The following PLCB1 variants were observed in gnomAD, a reference collection of about 807,000 sequenced individuals.
The protein encoded by PLCB1 is 1-phosphatidylinositol 4,5-bisphosphate phosphodiesterase beta-1.
In PLCB1, 46 loss-of-function variants were observed where a neutral mutation model predicts 161.8. The ratio of observed to expected loss-of-function variants is 0.28; its 90% CI spans 0.22 to 0.36. PLCB1 has a LOEUF of 0.36. Ranked by LOEUF, PLCB1 falls within the 10% of genes least tolerant of loss-of-function variation. PLCB1 has a pLI of 1.00. For missense variants in PLCB1, 1,016 were observed against 1,472.5 expected (o/e 0.69, Z 5.07); for synonymous variants, 517 against 503.7 (o/e 1.03, Z -0.35).
intron 31 of PLCB1, among the ~76,000 whole-genome samples, chr20:8,848,253 G>A (rs1986759539): frequency 1.3e-5 from 2 of 152,108 alleles, no homozygotes; most frequent in Admixed American, 6.5e-5. Flanking sequence ...ATGATCCTAC[G>A]GAGTTAGGGT....
intron 2 of PLCB1, among the ~76,000 whole-genome samples, chr20:8,276,563 C>CT (rs1456995319): frequency 1.3e-5 from 2 of 152,038 alleles, no homozygotes; most frequent in African/African-American, 4.8e-5. Flanking sequence ...TTTGAGTGTT[C>CT]TTTTTTTACA....
At chr20:8,333,550 G>A (rs143028447) in intron 2 of PLCB1, among the ~76,000 whole-genome samples, 2 of 152,102 alleles carry the variant, frequency 1.3e-5, no homozygotes, top group African/African-American at 4.8e-5. Flanking sequence ...GACATTTTTG[G>A]TGGTCACAAC....
At chr20:8,538,474 C>T (rs545376695) in intron 3 of PLCB1, among the ~76,000 whole-genome samples, 2 of 152,046 alleles carry the variant, frequency 1.3e-5, no homozygotes, top group South Asian at 4.2e-4. Context: ...AAAAGCTTTT[C>T]TAGTAGCTAG....
chr20:8,392,762 T>C (rs562146465), intron 3 of PLCB1, among the ~76,000 whole-genome samples: 2 of 152,282 alleles, frequency 1.3e-5, no homozygotes, highest in South Asian at 4.1e-4. Context: ...TTTGTCTTCT[T>C]TGAATGGGAA....
intron 31 of PLCB1, among the ~76,000 whole-genome samples, chr20:8,815,791 G>T (rs1568610458): frequency 6.6e-6 from 1 of 152,118 alleles, no homozygotes; most frequent in Non-Finnish European, 1.5e-5. Context: ...ACATAGAGAA[G>T]AATTTAGTTA....
At chr20:8,593,919 C>G (rs927345749) in intron 3 of PLCB1, among the ~76,000 whole-genome samples, 1 of 152,104 alleles carries the variant, frequency 6.6e-6, no homozygotes, top group Non-Finnish European at 1.5e-5. Context: ...GAATCTTGCT[C>G]TGTTACCCAG....
At chr20:8,422,401 C>G (rs1246314441) in intron 3 of PLCB1, among the ~76,000 whole-genome samples, 1 of 152,194 alleles carries the variant, frequency 6.6e-6, no homozygotes, top group Non-Finnish European at 1.5e-5. Flanking sequence ...GCAGAAATAT[C>G]TCTATCAGAA....
At chr20:8,196,147 G>C (rs2052021806) in intron 2 of PLCB1, among the ~76,000 whole-genome samples, 1 of 152,116 alleles carries the variant, frequency 6.6e-6, no homozygotes, top group Admixed American at 6.6e-5. Context: ...CTTGACACAT[G>C]GGGATTATGA....
At chr20:8,868,570 G>A (rs547666012) in intron 31 of PLCB1, among the ~76,000 whole-genome samples, 1 of 152,306 alleles carries the variant, frequency 6.6e-6, no homozygotes, top group East Asian at 1.9e-4. Flanking sequence ...TTTACATAGT[G>A]AACAGTTGGC....
chr20:8,167,994 T>C lies in PLCB1; in HGVS notation c.177+17623T>C, dbSNP rs780007214. Reference sequence around the variant, plus strand: ...CTCCTGTCTGAGGCTTCAGCTAGGATGGCTAGGCTGACTTGTATCTGTCCC... The same window carrying C: ...CTCCTGTCTGAGGCTTCAGCTAGGACGGCTAGGCTGACTTGTATCTGTCCC... On this transcript the variant is annotated intron_variant, in intron 2 of 31. Transcript: ENST00000338037. 2.6e-5 allele frequency among the ~76,000 whole-genome samples: 4 copies of C among 152,152 alleles called. No individual in the cohort carries two copies. In the East Asian group the frequency reaches 7.7e-4, roughly 29 times the overall value.
intron 18 of PLCB1, among the ~76,000 whole-genome samples, chr20:8,731,415 C>T (rs1455483020): frequency 1.3e-5 from 2 of 151,782 alleles, no homozygotes; most frequent in African/African-American, 4.8e-5. Context: ...AACACCAGGT[C>T]TTAACGTCTT....
chr20:8,424,976 GC>G (rs1371213435), intron 3 of PLCB1, among the ~76,000 whole-genome samples: 2 of 152,084 alleles, frequency 1.3e-5, no homozygotes, highest in African/African-American at 4.8e-5. Flanking sequence ...GCCACTTCGT[GC>G]TCACCTCATG....
At chr20:8,819,041 A>G (rs1985211654) in intron 31 of PLCB1, among the ~76,000 whole-genome samples, 1 of 152,180 alleles carries the variant, frequency 6.6e-6, no homozygotes, top group Non-Finnish European at 1.5e-5. Context: ...TGATTCCAAA[A>G]TTTTTATGGT....
intron 9 of PLCB1, among the ~76,000 whole-genome samples, chr20:8,676,066 G>T (rs2123374515): frequency 6.6e-6 from 1 of 152,344 alleles, no homozygotes; most frequent in Middle Eastern, 3.4e-3. Flanking sequence ...ATGACACAAA[G>T]CCCAGATGAA....
rs540862684 is a variant in PLCB1, at chr20:8,269,085, A to G, written c.178-102297A>G. ...TGAGAATTTATGAAGAACTTTTTTT[A>G]AATAATTTTTTTATTATGCTTTAAT... On this transcript the variant is annotated intron_variant, in intron 2 of 31. Transcript: ENST00000338037. Among the ~76,000 whole-genome samples the G allele has an allele frequency of 2.0e-5, 3 of 151,852 alleles. No homozygotes were observed. The East Asian group carries it at 5.8e-4, about 29-fold the overall frequency.
intron 2 of PLCB1, among the ~76,000 whole-genome samples, chr20:8,222,152 GA>G (rs1979447494): frequency 6.6e-6 from 1 of 152,062 alleles, no homozygotes; most frequent in African/African-American, 2.4e-5. Flanking sequence ...AATTCAGATG[GA>G]AAATCATCTT....
chr20:8,537,198 A>G (rs1047608028), intron 3 of PLCB1, among the ~76,000 whole-genome samples: 2 of 152,188 alleles, frequency 1.3e-5, no homozygotes, highest in South Asian at 2.1e-4. Flanking sequence ...CAGAAATGAA[A>G]AGAAAGTAAA....
intron 11 of PLCB1, among the ~76,000 whole-genome samples, chr20:8,704,112 G>A (rs1978526897): frequency 6.6e-6 from 1 of 152,180 alleles, no homozygotes; most frequent in Non-Finnish European, 1.5e-5. Flanking sequence ...CCAGCACTTT[G>A]GGAGGCTGAA....
At chr20:8,266,943 G>T (rs910067077) in intron 2 of PLCB1, among the ~76,000 whole-genome samples, 5 of 151,878 alleles carry the variant, frequency 3.3e-5, no homozygotes, top group African/African-American at 1.2e-4. Context: ...GGATGCTGAG[G>T]CAAGAATCGC....
Sources: allele counts gnomAD v4.1 joint callset (sites outside exome capture counted in the v4.1 genomes callset), GRCh38; gene constraint gnomAD v4.1.1; transcripts MANE v1.5; gene names NCBI Gene and HGNC (gene_info 2026-07-23, HGNC 2026-07-21).